Variants in CELSR3 observed in about 807,000 individuals in gnomAD.
CELSR3 encodes the protein cadherin EGF LAG seven-pass G-type receptor 3, also known as EGF-like protein 1.
In CELSR3, 73 loss-of-function variants were observed where a neutral mutation model predicts 270.0. The observed-to-expected ratio is 0.27, with a 90% CI of 0.22 to 0.33. The LOEUF (loss-of-function observed/expected upper bound fraction) is 0.33, where lower values mean the gene tolerates loss of function less well. Ranked by LOEUF, CELSR3 falls within the 10% of genes least tolerant of loss-of-function variation. The pLI is 1.00. For missense variants in CELSR3, 3,614 were observed against 4,533.8 expected (o/e 0.80, Z 5.83); for synonymous variants, 1,780 against 1,905.4 (o/e 0.93, Z 1.71).
In CELSR3 at chr3:48,643,333, C is replaced by T. The variant is rs556308028; in HGVS notation, c.8289+221G>A. On this transcript the variant is annotated intron_variant, in intron 28 of 34. Transcript: ENST00000164024. Reference sequence around the variant, plus strand: ...AGCCTTGGTGTTGGTGAAGGTCGATCCAAGATCAGCACTCAGTCTGGGATC... The same window carrying T: ...AGCCTTGGTGTTGGTGAAGGTCGATTCAAGATCAGCACTCAGTCTGGGATC... 2.1e-4 allele frequency: 142 copies of T among 689,582 alleles called. 1 individual carries two copies. The highest frequency in any genetic ancestry group is 1.7e-3 in the South Asian group (86 of 50,992). The allele number at this position is 689,582 out of a possible 1,614,324, so 42.7% of individuals were successfully genotyped here.
chr3:48,659,527 A>G lies in CELSR3; in HGVS notation c.3108T>C (p.Thr1036=). 3 of 1,614,212 alleles carry G rather than the reference A, an allele frequency of 1.9e-6. No individual in the cohort carries two copies. The South Asian group carries it at 3.3e-5, about 18-fold the overall frequency. ...GCACACCTCTGTCCACTGCGTAGGCAGTCAACTCATACACTGATACTGCCT... is the reference window on the plus strand; with the variant it reads ...GCACACCTCTGTCCACTGCGTAGGCGGTCAACTCATACACTGATACTGCCT... ...DREAVSVYEL[T]AYAVDRGVPP... is the part of the protein sequence containing the mutation. The change falls in exon 1 of 35, where the codon ACT becomes ACC. Residue 1036 remains threonine (T), a synonymous_variant. Transcript: ENST00000164024. This position sits in a 1 kb window ranked among gnomAD's most constrained non-coding sequence, Gnocchi z 8.1.
Position 48,641,549 on chromosome 3 carries a change from G to A in CELSR3, c.8825-25C>T. ...TCTGTGGAGCCAGGTCAGGTTACAG[G>A]AGCTTCTGGGTTGATCCCAGTGACT... is the stretch of plus-strand genomic sequence containing the variant. On this transcript the variant is annotated intron_variant, in intron 32 of 34. Coordinates refer to ENST00000164024, the MANE Select transcript of CELSR3 (RefSeq NM_001407.3). The surrounding 1 kb of genome is among the most constrained non-coding windows in gnomAD (Gnocchi z 4.8). 1 of 1,569,740 alleles carries A rather than the reference G, an allele frequency of 6.4e-7. No homozygotes were observed. Among genetic ancestry groups the A allele is most frequent in the Non-Finnish European group, 8.8e-7 (1 of 1,142,694 alleles).
Position 48,655,174 on chromosome 3 carries a change from G to T in CELSR3, c.4858C>A (p.Gln1620Lys). 6.2e-7 allele frequency: 1 copy of T among 1,613,888 alleles called. No individual in the cohort carries two copies. Among genetic ancestry groups the T allele is most frequent in the Non-Finnish European group, 8.5e-7 (1 of 1,179,906 alleles). ...GCCACCTTGTCCTTGGAGGGGCCCT[G>T]TGCACCCCCTAGGGCATCTGTCCGG... Reference protein sequence around the residue: ...KPRTDALGGAQGPSKDKVAVL... With the variant: ...KPRTDALGGAKGPSKDKVAVL... The change falls in exon 6 of 35, where the codon CAG becomes AAG. Residue 1620 changes from glutamine (Q) to lysine (K), a missense_variant. This residue lies in a region of CELSR3 where 1,331 missense variants were observed against 1,933.7 expected (regional missense o/e 0.69). Coordinates refer to ENST00000164024, the MANE Select transcript of CELSR3 (RefSeq NM_001407.3). The surrounding 1 kb of genome is among the most constrained non-coding windows in gnomAD (Gnocchi z 5.8).
In CELSR3 at chr3:48,658,793, T is replaced by C; in HGVS notation, c.3748+94A>G. The C allele has an allele frequency of 1.3e-6, 2 of 1,486,990 alleles. No homozygotes were observed. The highest frequency in any genetic ancestry group is 1.3e-5 in the South Asian group (1 of 77,010). 92.1% of individuals were successfully genotyped at this position (1,486,990 alleles called of 1,614,324 possible). A position where few individuals can be genotyped will look rare whatever the true frequency, so the allele number is the denominator to read the frequency against. ...ACCCTTAAGGGGTTCTTGGAAGGCT[T>C]AGAAATCCCTCTTTGGTTTGAGGTG... is the stretch of plus-strand genomic sequence containing the variant. On this transcript the variant is annotated intron_variant, in intron 1 of 34. Transcript: ENST00000164024. This position sits in a 1 kb window ranked among gnomAD's most constrained non-coding sequence, Gnocchi z 4.7.
At position 48,657,140 on chromosome 3, in the gene CELSR3, T is replaced by C; in HGVS notation, c.3957A>G (p.Thr1319=). 1 of 1,613,956 alleles carries C rather than the reference T, an allele frequency of 6.2e-7. No individual in the cohort carries two copies. ...DVFIFNIQND[T]DVGGTVLNVS... ...CATTGAGCACGGTGCCCCCTACGTC[T>C]GTGTCGTTCTGGATGTTGAAGATGA... The change falls in exon 2 of 35, where the codon ACA becomes ACG. Residue 1319 remains threonine, a synonymous_variant. Coordinates refer to ENST00000164024, the MANE Select transcript of CELSR3 (RefSeq NM_001407.3). This position sits in a 1 kb window ranked among gnomAD's most constrained non-coding sequence, Gnocchi z 5.4.
At chr3:48,649,298 G>C in intron 16 of CELSR3, 83 bp from the exon 17 acceptor site, 2 of 1,118,874 alleles carry the variant, frequency 1.8e-6, no homozygotes, top group Middle Eastern at 2.8e-4. Flanking sequence ...TCCTATGCTG[G>C]GGGAATCCCT....
In CELSR3 at chr3:48,654,513, G is replaced by A; in HGVS notation, c.4989-61C>T. The A allele has an allele frequency of 2.7e-6, 4 of 1,457,286 alleles. No individual in the cohort carries two copies. Among genetic ancestry groups the A allele is most frequent in the Non-Finnish European group, 3.7e-6 (4 of 1,081,636 alleles). The allele number at this position is 1,457,286 out of a possible 1,614,324, so 90.3% of individuals were successfully genotyped here. ...GGGCCAGAGTAGAGTTGCTCCTGGG[G>A]GGCCACAGGAAGCAGGGGGGTAGGA... On this transcript the variant is annotated intron_variant, in intron 6 of 34. Coordinates refer to ENST00000164024, the MANE Select transcript of CELSR3 (RefSeq NM_001407.3). The surrounding 1 kb of genome is among the most constrained non-coding windows in gnomAD (Gnocchi z 5.4).
chr3:48,650,363 C>A lies in CELSR3; in HGVS notation c.6472+117G>T. On this transcript the variant is annotated intron_variant, in intron 16 of 34. Coordinates refer to ENST00000164024, the MANE Select transcript of CELSR3 (RefSeq NM_001407.3). The surrounding 1 kb of genome is among the most constrained non-coding windows in gnomAD (Gnocchi z 5.1). ...GAGGGGCCCACATGGACTCCCACCC[C>A]ACTTCCACCTCTTTGCAGGAACAAA... The A allele has an allele frequency of 1.2e-6, 1 of 815,546 alleles. No individual in the cohort carries two copies. The highest frequency in any genetic ancestry group is 2.1e-6 in the Non-Finnish European group (1 of 479,396). 50.5% of individuals were successfully genotyped at this position (815,546 alleles called of 1,614,324 possible). A position where few individuals can be genotyped will look rare whatever the true frequency, so the allele number is the denominator to read the frequency against.
In CELSR3 at chr3:48,636,464, G is replaced by C. The variant is rs1377548792; in HGVS notation, c.*1741C>G. The C allele has an allele frequency of 6.6e-6, 1 of 152,182 alleles. No individual in the cohort carries two copies. The highest frequency in any genetic ancestry group is 1.5e-5 in the Non-Finnish European group (1 of 68,036). The allele number at this position is 152,182 out of a possible 1,614,324, so 9.4% of individuals were successfully genotyped here. On this transcript the variant is annotated 3_prime_UTR_variant, in exon 35 of 35. Transcript: ENST00000164024. ...CCCCCAACAGGAAAAGGCAACAACT[G>C]TTTTCTATAGAAGTTTATTCCCAAA...
At position 48,651,499 on chromosome 3, in the gene CELSR3, T is replaced by A; in HGVS notation, c.6066-20A>T. Reference sequence around the variant, plus strand: ...TCCATCCTGGGGGTGCAGAGCCAGGTAAGATGCCTCCACGGTATCCCAGTG... The same window carrying A: ...TCCATCCTGGGGGTGCAGAGCCAGGAAAGATGCCTCCACGGTATCCCAGTG... On this transcript the variant is annotated intron_variant, in intron 13 of 34. Coordinates refer to ENST00000164024, the MANE Select transcript of CELSR3 (RefSeq NM_001407.3). The surrounding 1 kb of genome is among the most constrained non-coding windows in gnomAD (Gnocchi z 7.4). The A allele has an allele frequency of 6.2e-6, 10 of 1,612,948 alleles. No individual in the cohort carries two copies. The highest frequency in any genetic ancestry group is 8.5e-6 in the Non-Finnish European group (10 of 1,179,402).
At chr3:48,643,519 C>G (rs1200265693) in intron 28 of CELSR3, 35 bp downstream of exon 28, 1 of 1,543,176 alleles carries the variant, frequency 6.5e-7, no homozygotes, top group South Asian at 1.2e-5. Context: ...GAAGGCCCAC[C>G]TGGTTCTGGG....
chr3:48,651,679 T>C lies in CELSR3; in HGVS notation c.5963A>G (p.Asn1988Ser). The change falls in exon 13 of 35, where the codon AAC (asparagine) becomes AGC (serine). Residue 1988 changes from asparagine (N) to serine (S), a missense_variant. Physicochemically the swap from Asn to Ser is conservative, Grantham distance 46. Coordinates refer to ENST00000164024, the MANE Select transcript of CELSR3 (RefSeq NM_001407.3). The surrounding 1 kb of genome is among the most constrained non-coding windows in gnomAD (Gnocchi z 7.4). The part of the protein sequence containing the change: ...GPGCVDACLL[N>S]PCQNQGSCRH... ...GCATGATCCCTGGTTCTGACAGGGG[T>C]TCAGGAGGCAGGCATCCACACAGCC... 1 of 1,575,838 alleles carries C rather than the reference T, an allele frequency of 6.3e-7. No individual in the cohort carries two copies. The highest frequency in any genetic ancestry group is 1.2e-5 in the South Asian group (1 of 85,272).
In CELSR3 at chr3:48,650,626, C is replaced by A; in HGVS notation, c.6371-45G>T. The A allele has an allele frequency of 1.3e-6, 2 of 1,492,476 alleles. No homozygotes were observed. The highest frequency in any genetic ancestry group is 1.8e-6 in the Non-Finnish European group (2 of 1,097,318). 92.5% of individuals were successfully genotyped at this position (1,492,476 alleles called of 1,614,324 possible). A position where few individuals can be genotyped will look rare whatever the true frequency, so the allele number is the denominator to read the frequency against. ...TGAGCCAGGCAGTCAGGGTACAGGG[C>A]AGTTGACAGCCACACCCACTGCCCC... On this transcript the variant is annotated intron_variant, in intron 15 of 34. Coordinates refer to ENST00000164024, the MANE Select transcript of CELSR3 (RefSeq NM_001407.3). This position sits in a 1 kb window ranked among gnomAD's most constrained non-coding sequence, Gnocchi z 5.1.
In CELSR3 at chr3:48,652,653, G is replaced by A. The variant is rs2047147674; in HGVS notation, c.5635-100C>T. The A allele has an allele frequency of 1.1e-6, 1 of 891,368 alleles. No individual in the cohort carries two copies. Among genetic ancestry groups the A allele is most frequent in the Middle Eastern group, 2.3e-4 (1 of 4,414 alleles). 55.2% of individuals were successfully genotyped at this position (891,368 alleles called of 1,614,324 possible). ...GGCCTTCTTCTAGCCCTTCTAGGCT[G>A]CCCCCTCCCTCCTGGACCCACAGTA... On this transcript the variant is annotated intron_variant, in intron 10 of 34. Transcript: ENST00000164024. This position sits in a 1 kb window ranked among gnomAD's most constrained non-coding sequence, Gnocchi z 4.3.
chr3:48,644,367 A>G lies in CELSR3; in HGVS notation c.8086-72T>C. On this transcript the variant is annotated intron_variant, in intron 26 of 34. Transcript: ENST00000164024. The surrounding 1 kb of genome is among the most constrained non-coding windows in gnomAD (Gnocchi z 4.8). ...GAGAGAGAGAGAGGCAATGAGAGAC[A>G]GAGAGAGACTAAGATTCACGGAGAG... 1 of 1,396,454 alleles carries G rather than the reference A, an allele frequency of 7.2e-7. No homozygotes were observed. The highest frequency in any genetic ancestry group is 1.0e-6 in the Non-Finnish European group (1 of 985,976). 86.5% of individuals were successfully genotyped at this position (1,396,454 alleles called of 1,614,324 possible). A position where few individuals can be genotyped will look rare whatever the true frequency, so the allele number is the denominator to read the frequency against.
chr3:48,648,808 T>C lies in CELSR3; in HGVS notation c.6688A>G (p.Thr2230Ala), dbSNP rs758453830. 1 of 1,612,946 alleles carries C rather than the reference T, an allele frequency of 6.2e-7. No homozygotes were observed. The highest frequency in any genetic ancestry group is 8.5e-7 in the Non-Finnish European group (1 of 1,179,992). ...AGCAGGTGGGCCAGCAGGCGGGCAG[T>C]GACTCGAACATCTTGGCTAAAATAG... Reference protein sequence around the residue: ...DHYFSQDVRVTARLLAHLLAF... With the variant: ...DHYFSQDVRVAARLLAHLLAF... The change falls in exon 18 of 35, where the codon ACT becomes GCT. Residue 2230 changes from threonine to alanine, a missense_variant. Thr to Ala is a moderately conservative substitution (Grantham distance 58). This residue lies in a region of CELSR3 where 1,331 missense variants were observed against 1,933.7 expected (regional missense o/e 0.69). Transcript: ENST00000164024.
At position 48,639,737 on chromosome 3, in the gene CELSR3, AGCACAGAGGCTGTGGCAGAAGGTGTG is replaced by A; in HGVS notation, c.9822_9847del (p.Thr3275TrpfsTer26). On this transcript the variant is annotated frameshift_variant, in exon 34 of 35. Transcript: ENST00000164024. LOFTEE classifies it high-confidence loss of function. The surrounding 1 kb of genome is among the most constrained non-coding windows in gnomAD (Gnocchi z 4.1). ...GGCAGAACGTGGCGTGGAGGGCCCA[AGCACAGAGGCTGTGGCAGAAGGTGTG>A]GCAGTGGTGTGAGGGCCCAAGGGTG... The A allele has an allele frequency of 6.2e-7, 1 of 1,613,638 alleles. No individual in the cohort carries two copies. The highest frequency in any genetic ancestry group is 8.5e-7 in the Non-Finnish European group (1 of 1,179,936).
chr3:48,638,100 G>T lies in CELSR3; in HGVS notation c.*105C>A. ...GGTAGAGCTGGGGCACCCACCACTGGGGAGCAGGAGGCTGCCTTGGGATCT... is the reference window on the plus strand; with the variant it reads ...GGTAGAGCTGGGGCACCCACCACTGTGGAGCAGGAGGCTGCCTTGGGATCT... On this transcript the variant is annotated 3_prime_UTR_variant, in exon 35 of 35. Transcript: ENST00000164024. The T allele has an allele frequency of 1.0e-6, 1 of 973,222 alleles. No individual in the cohort carries two copies. 60.3% of individuals were successfully genotyped at this position (973,222 alleles called of 1,614,324 possible).
rs1314190991 is a variant in CELSR3 at position 48,641,640 on chromosome 3, G to C, written c.8825-116C>G. 1 of 869,456 alleles carries C rather than the reference G, an allele frequency of 1.2e-6. No individual in the cohort carries two copies. The highest frequency in any genetic ancestry group is 1.7e-5 in the African/African-American group (1 of 59,224). The allele number at this position is 869,456 out of a possible 1,614,324, so 53.9% of individuals were successfully genotyped here. A position where few individuals can be genotyped will look rare whatever the true frequency, so the allele number is the denominator to read the frequency against. On this transcript the variant is annotated intron_variant, in intron 32 of 34. Coordinates refer to ENST00000164024, the MANE Select transcript of CELSR3 (RefSeq NM_001407.3). The surrounding 1 kb of genome is among the most constrained non-coding windows in gnomAD (Gnocchi z 4.8). The stretch of plus-strand genomic sequence containing the variant: ...TCTCATTGAGCAGAGGTGGGAACAG[G>C]AGGGTATCTCCTCAGAGATCAATGG...
Sources: allele counts gnomAD v4.1 joint callset, GRCh38; gene constraint gnomAD v4.1.1; regional missense constraint gnomAD v4.1.1; non-coding constraint Gnocchi (gnomAD v3.1); transcripts MANE v1.5; gene names NCBI Gene and HGNC (gene_info 2026-07-23, HGNC 2026-07-21).